The following TMEM131 variants were observed in gnomAD, a reference collection of about 807,000 sequenced individuals.
TMEM131 encodes the protein 2610524E03Rik.
In TMEM131, 66 loss-of-function variants were observed where a neutral mutation model predicts 211.6. The ratio of observed to expected loss-of-function variants is 0.31; its 90% CI spans 0.26 to 0.38. TMEM131 has a LOEUF of 0.38. Ranked by LOEUF, TMEM131 falls within the 10% of genes least tolerant of loss-of-function variation. The pLI is 1.00. For missense variants in TMEM131, 2,036 were observed against 2,299.3 expected (o/e 0.89, Z 2.34); for synonymous variants, 844 against 841.3 (o/e 1.00, Z -0.06).
intron 1 of TMEM131, among the ~76,000 whole-genome samples, chr2:97,974,752 A>C (rs1279506428): frequency 6.6e-6 from 1 of 152,166 alleles, no homozygotes; most frequent in Admixed American, 6.5e-5. Context: ...TTCTATAGCA[A>C]ATAAAAGTAT....
At chr2:97,810,635 A>C (rs1681506853) in intron 18 of TMEM131, among the ~76,000 whole-genome samples, 1 of 152,218 alleles carries the variant, frequency 6.6e-6, no homozygotes, top group South Asian at 2.1e-4. Flanking sequence ...AATAAGCTCC[A>C]CACAGAATAT....
chr2:97,820,314 A>G (rs1216416273), intron 11 of TMEM131, among the ~76,000 whole-genome samples: 1 of 152,204 alleles, frequency 6.6e-6, no homozygotes, highest in African/African-American at 2.4e-5. Flanking sequence ...TCATTCACTG[A>G]AAGGTGAGTG....
chr2:97,832,379 T>C lies in TMEM131; in HGVS notation c.1074+986A>G, dbSNP rs142092143. ...TTGCTTGGGCTAAGTAAAGGCACTT[T>C]CCCATCTAGGAGAAATGCTAGGTCA... On this transcript the variant is annotated intron_variant, in intron 11 of 40. Coordinates refer to ENST00000186436, the MANE Select transcript of TMEM131 (RefSeq NM_015348.2). 1.2e-3 allele frequency among the ~76,000 whole-genome samples: 185 copies of C among 152,338 alleles called. 1 individual carries two copies. The highest frequency in any genetic ancestry group is 4.3e-3 in the African/African-American group (179 of 41,580).
At chr2:97,796,126 G>T in intron 28 of TMEM131, 92 bp downstream of exon 28, 1 of 683,060 alleles carries the variant, frequency 1.5e-6, no homozygotes, top group Non-Finnish European at 2.3e-6. Context: ...ATGCATTTGT[G>T]GATAAAGACC....
chr2:97,766,195 C>G lies in TMEM131; in HGVS notation c.4642G>C (p.Gly1548Arg). The change falls in exon 35 of 41, where the codon GGC (glycine) becomes CGC (arginine). Residue 1548 changes from glycine (G) to arginine (R), a missense_variant. Transcript: ENST00000186436. ...AKFLPNSQEL[G>R]NTSSSEGEKD... Reference sequence around the variant, plus strand: ...TCACCCTCTGAGCTACTGGTGTTGCCTAATTCTTGACTATTCGGGAGGAAT... The same window carrying G: ...TCACCCTCTGAGCTACTGGTGTTGCGTAATTCTTGACTATTCGGGAGGAAT... 1 of 1,614,060 alleles carries G rather than the reference C, an allele frequency of 6.2e-7. No individual in the cohort carries two copies. Among genetic ancestry groups the G allele is most frequent in the Non-Finnish European group, 8.5e-7 (1 of 1,179,912 alleles).
chr2:97,908,997 A>C (rs927579715), intron 2 of TMEM131, among the ~76,000 whole-genome samples: 1 of 152,268 alleles, frequency 6.6e-6, no homozygotes, highest in Admixed American at 6.5e-5. Flanking sequence ...TTCCCTGCTC[A>C]CTAACTGCTT....
intron 1 of TMEM131, among the ~76,000 whole-genome samples, chr2:97,966,024 A>C (rs1284541361): frequency 2.6e-5 from 4 of 152,116 alleles, no homozygotes; most frequent in African/African-American, 7.2e-5. Context: ...ATTGAACAAA[A>C]GCAATTTTTT....
intron 4 of TMEM131, among the ~76,000 whole-genome samples, chr2:97,880,357 T>C (rs571644928): frequency 6.3e-4 from 96 of 152,234 alleles, no homozygotes; most frequent in African/African-American, 2.2e-3. Context: ...AAAAACGACA[T>C]GATCAGATTT....
chr2:97,797,005 T>C lies in TMEM131; in HGVS notation c.2871-19A>G, dbSNP rs1202491290. 2.5e-6 allele frequency: 4 copies of C among 1,602,816 alleles called. No individual in the cohort carries two copies. The highest frequency in any genetic ancestry group is 2.2e-5 in the South Asian group (2 of 88,910). ...GTTATTTCTATGCAAGAATGAGAAT[T>C]ACAGATTTTTCTCTCATTAAATCTG... On this transcript the variant is annotated intron_variant, in intron 26 of 40. Transcript: ENST00000186436.
At chr2:97,936,945 G>T (rs535803865) in intron 1 of TMEM131, among the ~76,000 whole-genome samples, 25 of 151,746 alleles carry the variant, frequency 1.6e-4, no homozygotes, top group African/African-American at 6.0e-4. Flanking sequence ...AGAATATTAA[G>T]AAGAGAAAGA....
chr2:97,896,328 G>C (rs540603449), intron 3 of TMEM131, among the ~76,000 whole-genome samples: 1 of 152,294 alleles, frequency 6.6e-6, no homozygotes, highest in African/African-American at 2.4e-5. Flanking sequence ...TGAGAAGAAT[G>C]TATATTCTGT....
chr2:97,788,569 G>A (rs1309442305), intron 31 of TMEM131, among the ~76,000 whole-genome samples: 1 of 152,002 alleles, frequency 6.6e-6, no homozygotes, highest in Non-Finnish European at 1.5e-5. Flanking sequence ...TACCAAACTG[G>A]GTCTCGGCCC....
Position 97,814,082 on chromosome 2 carries a change from G to T in TMEM131, c.1506C>A (p.Thr502=). 1 of 1,604,976 alleles carries T rather than the reference G, an allele frequency of 6.2e-7. No homozygotes were observed. Among genetic ancestry groups the T allele is most frequent in the Non-Finnish European group, 8.5e-7 (1 of 1,175,064 alleles). Residue 502 remains threonine (T), a synonymous_variant, in exon 15 of 41, where the codon ACC becomes ACA. Coordinates refer to ENST00000186436, the MANE Select transcript of TMEM131 (RefSeq NM_015348.2). ...ATGATGTGGAAGGCATAAAAAGCAG[G>T]GTAAAAATGTATCCTGATTCATTAG... ...ILPNESGYIF[T]LLFMPSTSSM...
intron 5 of TMEM131, among the ~76,000 whole-genome samples, chr2:97,849,340 A>G (rs1683588740): frequency 6.6e-6 from 1 of 152,204 alleles, no homozygotes; most frequent in Non-Finnish European, 1.5e-5. Context: ...TGAATAAACC[A>G]CACAGTGACA....
rs139669287 is a variant in TMEM131 at position 97,787,045 on chromosome 2, C to T, written c.4144+5341G>A. ...TATTCGAGGTTTCTGCTGATAGTAC[C>T]GTAACTAAAAAACAGATGAAACACC... On this transcript the variant is annotated intron_variant, in intron 31 of 40. Coordinates refer to ENST00000186436, the MANE Select transcript of TMEM131 (RefSeq NM_015348.2). 3.9e-5 allele frequency among the ~76,000 whole-genome samples: 6 copies of T among 152,204 alleles called. No individual in the cohort carries two copies. In the East Asian group the frequency reaches 7.7e-4, roughly 20 times the overall value.
intron 1 of TMEM131, among the ~76,000 whole-genome samples, chr2:97,931,542 A>C (rs1398692865): frequency 6.6e-6 from 1 of 152,216 alleles, no homozygotes; most frequent in Non-Finnish European, 1.5e-5. Flanking sequence ...ATTTTAATAC[A>C]TCTAAAATAA....
At position 97,812,559 on chromosome 2, in the gene TMEM131, TA is replaced by T. The variant is rs762097205; in HGVS notation, c.1729-5del. 1 of 1,595,566 alleles carries T rather than the reference TA, an allele frequency of 6.3e-7. No individual in the cohort carries two copies. The highest frequency in any genetic ancestry group is 1.1e-5 in the South Asian group (1 of 87,046). On this transcript the variant is annotated splice_polypyrimidine_tract_variant and splice_region_variant and intron_variant, in intron 16 of 40. Coordinates refer to ENST00000186436, the MANE Select transcript of TMEM131 (RefSeq NM_015348.2). ...TATGCCAACTTTTTATAGCCAACTT[TA>T]AAAAAAGATATGAAAATGATTATCA...
intron 22 of TMEM131, 57 bp from the exon 23 acceptor site, chr2:97,802,847 C>T: frequency 7.1e-7 from 1 of 1,417,932 alleles, no homozygotes; most frequent in Non-Finnish European, 9.4e-7. Context: ...GTCTTCTGAA[C>T]ATAAGAAATT....
At position 97,894,265 on chromosome 2, in the gene TMEM131, C is replaced by G. The variant is rs150622239; in HGVS notation, c.291-6145G>C. 7.2e-5 allele frequency among the ~76,000 whole-genome samples: 11 copies of G among 152,334 alleles called. No homozygotes were observed. In the East Asian group the frequency reaches 2.1e-3, roughly 29 times the overall value. On this transcript the variant is annotated intron_variant, in intron 3 of 40. Coordinates refer to ENST00000186436, the MANE Select transcript of TMEM131 (RefSeq NM_015348.2). ...TATCTGTTTTGGTACCAGTACCATGCTGTTGTGGTTACTGCAGCCTTGCAG... is the reference window on the plus strand; with the variant it reads ...TATCTGTTTTGGTACCAGTACCATGGTGTTGTGGTTACTGCAGCCTTGCAG...
Sources: allele counts gnomAD v4.1 joint callset (sites outside exome capture counted in the v4.1 genomes callset), GRCh38; gene constraint gnomAD v4.1.1; transcripts MANE v1.5; gene names NCBI Gene and HGNC (gene_info 2026-07-23, HGNC 2026-07-21).